The following GPC5 variants were observed in gnomAD, a reference collection of about 807,000 sequenced individuals.
GPC5 encodes the protein glypican 5.
In GPC5, 47 loss-of-function variants were observed where a neutral mutation model predicts 53.9. The ratio of observed to expected loss-of-function variants is 0.87; its 90% CI spans 0.69 to 1.11. The LOEUF (loss-of-function observed/expected upper bound fraction) is 1.11, where lower values mean the gene tolerates loss of function less well. Among genes scored for constraint, GPC5 ranks in the 50% most tolerant of loss-of-function variants. GPC5 has a pLI of 0.00. For missense variants in GPC5, 748 were observed against 713.1 expected, an observed-to-expected ratio of 1.05 and a Z score of -0.56; for synonymous variants, 286 against 263.3, an observed-to-expected ratio of 1.09 and a Z score of -0.84.
chr13:91,421,439 A>G (rs1259264946), intron 1 of GPC5, among the ~76,000 whole-genome samples: 1 of 152,190 alleles, frequency 6.6e-6, no homozygotes. Flanking sequence ...ATACTTACCA[A>G]TGTGGAACTC....
chr13:92,810,609 C>T (rs1333065581), intron 7 of GPC5, among the ~76,000 whole-genome samples: 1 of 151,916 alleles, frequency 6.6e-6, no homozygotes, highest in Non-Finnish European at 1.5e-5. Context: ...ACCCCTCCCT[C>T]CACCCCCAGT....
In GPC5 at chr13:92,866,445, C is replaced by A. The variant is rs201445632; in HGVS notation, c.*6C>A. 1.3e-6 allele frequency: 2 copies of A among 1,593,360 alleles called. No homozygotes were observed. Among genetic ancestry groups the A allele is most frequent in the African/African-American group, 2.7e-5 (2 of 74,326 alleles). On this transcript the variant is annotated 3_prime_UTR_variant, in exon 8 of 8. Coordinates refer to ENST00000377067, the MANE Select transcript of GPC5 (RefSeq NM_004466.6). ...TACTTCCCGGGATTTGGTAACTGAA[C>A]TCTTCTGTCCTGACATACCTTACTG...
At chr13:92,535,225 T>A (rs750087138) in intron 7 of GPC5, among the ~76,000 whole-genome samples, 1 of 152,136 alleles carries the variant, frequency 6.6e-6, no homozygotes, top group Non-Finnish European at 1.5e-5. Context: ...TGAGTCCATA[T>A]GTTTCTCATG....
At chr13:91,855,882 C>A (rs1165063015) in intron 5 of GPC5, among the ~76,000 whole-genome samples, 1 of 151,442 alleles carries the variant, frequency 6.6e-6, no homozygotes, top group Non-Finnish European at 1.5e-5. Flanking sequence ...TTCAATGACA[C>A]ACATAAATAT....
intron 5 of GPC5, among the ~76,000 whole-genome samples, chr13:91,856,574 A>C (rs2038969118): frequency 6.6e-6 from 1 of 151,114 alleles, no homozygotes; most frequent in Non-Finnish European, 1.5e-5. Flanking sequence ...GTGTAGTTTC[A>C]TGTGCATCTT....
intron 2 of GPC5, among the ~76,000 whole-genome samples, chr13:91,490,968 T>C (rs764115249): frequency 1.3e-5 from 2 of 152,106 alleles, no homozygotes; most frequent in Non-Finnish European, 2.9e-5. Context: ...TCCCCCACCA[T>C]AGGTCCTTCA....
chr13:91,693,655 C>A lies in GPC5; in HGVS notation c.794C>A (p.Ala265Glu). Residue 265 changes from alanine (A) to glutamate (E), a missense_variant, in exon 3 of 8, where the codon GCG becomes GAG. By Grantham distance (107) the Ala-to-Glu change is moderately radical. Transcript: ENST00000377067. ...TACTGCCCGCACTGCCAAGGCCTGG[C>A]GCTCACTAAGCCTTGTATGGGATAC... ...MQYCPHCQGLALTKPCMGYCL... is the reference protein window; with the variant it reads ...MQYCPHCQGLELTKPCMGYCL... 4 of 1,614,102 alleles carry A rather than the reference C, an allele frequency of 2.5e-6. No individual in the cohort carries two copies. Among genetic ancestry groups the A allele is most frequent in the East Asian group, 2.2e-5 (1 of 44,864 alleles).
rs971484707 is a variant in GPC5, at chr13:92,691,820, T to G, written c.1562-174462T>G. Among the ~76,000 whole-genome samples the G allele has an allele frequency of 2.6e-5, 4 of 152,024 alleles. No homozygotes were observed. The South Asian group carries it at 8.3e-4, about 31-fold the overall frequency. ...TACAAGATACTTTATAGTGTCCCAA[T>G]TTTTATTACAGTTTTACACCTTCAA... is the stretch of plus-strand genomic sequence containing the variant. On this transcript the variant is annotated intron_variant, in intron 7 of 7. Coordinates refer to ENST00000377067, the MANE Select transcript of GPC5 (RefSeq NM_004466.6).
intron 6 of GPC5, among the ~76,000 whole-genome samples, chr13:92,035,182 TC>T (rs1294974002): frequency 7.5e-6 from 1 of 134,076 alleles, no homozygotes; most frequent in Non-Finnish European, 1.5e-5. Flanking sequence ...GCCACTACAC[TC>T]CAGCCTGGGC....
intron 2 of GPC5, among the ~76,000 whole-genome samples, chr13:91,503,977 GCATAT>G (rs934996923): frequency 2.4e-4 from 36 of 151,490 alleles, no homozygotes; most frequent in Middle Eastern, 6.8e-3. Flanking sequence ...ATAGTAAATG[GCATAT>G]CATAGTTAAT....
At chr13:91,405,934 G>T (rs1877291440) in intron 1 of GPC5, among the ~76,000 whole-genome samples, 1 of 152,132 alleles carries the variant, frequency 6.6e-6, no homozygotes, top group South Asian at 2.1e-4. Flanking sequence ...ACCATGCCCA[G>T]CTAATTTTTG....
At chr13:92,128,231 A>C (rs187302184) in intron 6 of GPC5, among the ~76,000 whole-genome samples, 1 of 152,290 alleles carries the variant, frequency 6.6e-6, no homozygotes, top group Admixed American at 6.5e-5. Flanking sequence ...TGCTAACCTG[A>C]GCCCTACAGG....
rs142801963 is a variant in GPC5 at position 92,342,538 on chromosome 13, C to T, written c.1561+197549C>T. ...ACCTCTTCTTCCATATGAAGACACA[C>T]ATAAGTTACCGTCTATGAGTAACAG... On this transcript the variant is annotated intron_variant, in intron 7 of 7. Coordinates refer to ENST00000377067, the MANE Select transcript of GPC5 (RefSeq NM_004466.6). 6.0e-4 allele frequency among the ~76,000 whole-genome samples: 92 copies of T among 152,198 alleles called. 1 individual carries two copies. Among genetic ancestry groups the T allele is most frequent in the Non-Finnish European group, 1.2e-3 (83 of 67,990 alleles).
intron 7 of GPC5, among the ~76,000 whole-genome samples, chr13:92,539,208 A>C (rs1331318819): frequency 6.6e-6 from 1 of 151,620 alleles, no homozygotes; most frequent in Non-Finnish European, 1.5e-5. Context: ...CTCTGGTCAA[A>C]TGGTATATCT....
chr13:92,584,860 C>CT (rs1429742417), intron 7 of GPC5, among the ~76,000 whole-genome samples: 1 of 152,114 alleles, frequency 6.6e-6, no homozygotes, highest in African/African-American at 2.4e-5. Context: ...TGGGCTGTTG[C>CT]TTCAGAAGGT....
chr13:92,677,876 C>T (rs946175001), intron 7 of GPC5, among the ~76,000 whole-genome samples: 4 of 152,146 alleles, frequency 2.6e-5, no homozygotes, highest in African/African-American at 9.7e-5. Flanking sequence ...CACTAATCTT[C>T]AGCTCGGTGG....
intron 7 of GPC5, among the ~76,000 whole-genome samples, chr13:92,572,606 C>A (rs1442616398): frequency 2.0e-5 from 3 of 152,024 alleles, no homozygotes; most frequent in Non-Finnish European, 4.4e-5. Context: ...TTTCTTTATA[C>A]CCTGATCAAT....
intron 7 of GPC5, among the ~76,000 whole-genome samples, chr13:92,551,139 CAG>C (rs929287866): frequency 2.0e-5 from 3 of 151,808 alleles, no homozygotes; most frequent in Non-Finnish European, 4.4e-5. Context: ...TATTCTGAAA[CAG>C]AGATAATTTC....
intron 2 of GPC5, among the ~76,000 whole-genome samples, chr13:91,567,040 T>C (rs910695118): frequency 6.6e-6 from 1 of 152,006 alleles, no homozygotes; most frequent in Non-Finnish European, 1.5e-5. Context: ...GTCTCTATTT[T>C]GCCTGTTTCC....
Sources: allele counts gnomAD v4.1 joint callset (sites outside exome capture counted in the v4.1 genomes callset), GRCh38; gene constraint gnomAD v4.1.1; transcripts MANE v1.5; gene names NCBI Gene and HGNC (gene_info 2026-07-23, HGNC 2026-07-21).